ZDHHC14: variants seen among roughly 807,000 people sequenced by gnomAD.
ZDHHC14 encodes the protein palmitoyltransferase ZDHHC14.
ZDHHC14 carries 16 observed loss-of-function variants against 47.7 expected under a neutral mutation model. The observed-to-expected ratio is 0.34, with a 90% CI of 0.23 to 0.51. The LOEUF (loss-of-function observed/expected upper bound fraction) is 0.51, where lower values mean the gene tolerates loss of function less well. Among genes scored for constraint, ZDHHC14 ranks in the 20% least tolerant of loss-of-function variants. ZDHHC14 has a pLI of 0.97. For missense variants in ZDHHC14, 515 were observed against 662.5 expected (o/e 0.78, Z 2.44); for synonymous variants, 293 against 278.9 (o/e 1.05, Z -0.50).
intron 1 of ZDHHC14, among the ~76,000 whole-genome samples, chr6:157,472,264 C>T (rs1230530816): frequency 2.6e-5 from 4 of 152,140 alleles, no homozygotes; most frequent in Non-Finnish European, 5.9e-5. Flanking sequence ...GGTGACCCAT[C>T]AGCCCAGGAG....
At chr6:157,461,946 T>G (rs1365666877) in intron 1 of ZDHHC14, among the ~76,000 whole-genome samples, 1 of 152,174 alleles carries the variant, frequency 6.6e-6, no homozygotes, top group Non-Finnish European at 1.5e-5. Context: ...TGCCACAAAT[T>G]TAGGATCATC....
chr6:157,497,828 A>C (rs1438617803), intron 1 of ZDHHC14, among the ~76,000 whole-genome samples: 1 of 152,224 alleles, frequency 6.6e-6, no homozygotes, highest in African/African-American at 2.4e-5. Context: ...TCAGAACCAG[A>C]GTCCAATTTC....
intron 8 of ZDHHC14, 150 bp from the exon 9 acceptor site, chr6:157,672,574 G>A (rs560814894): frequency 7.2e-5 from 60 of 837,126 alleles, no homozygotes; most frequent in Non-Finnish European, 1.0e-4. Flanking sequence ...CACTGTAGGC[G>A]CTCCCTGCCT....
chr6:157,423,680 T>C (rs112457620), intron 1 of ZDHHC14, among the ~76,000 whole-genome samples: 3 of 152,142 alleles, frequency 2.0e-5, no homozygotes, highest in African/African-American at 7.2e-5. Context: ...CATAAGACGG[T>C]GGCAAAATCT....
chr6:157,655,746 T>C (rs1778057762), intron 8 of ZDHHC14, among the ~76,000 whole-genome samples: 1 of 152,234 alleles, frequency 6.6e-6, no homozygotes, highest in African/African-American at 2.4e-5. Context: ...AGCAGATACA[T>C]GAAGGAAGCA....
intron 2 of ZDHHC14, among the ~76,000 whole-genome samples, chr6:157,567,084 C>A (rs932077843): frequency 4.6e-5 from 7 of 152,028 alleles, no homozygotes; most frequent in Non-Finnish European, 8.8e-5. Flanking sequence ...CTCCTGACCT[C>A]AGGGTGATCC....
chr6:157,500,516 C>T (rs900380221), intron 1 of ZDHHC14, among the ~76,000 whole-genome samples: 4 of 152,044 alleles, frequency 2.6e-5, no homozygotes, highest in Non-Finnish European at 4.4e-5. Context: ...AGTTGAGAGA[C>T]GAGGGTGGAC....
chr6:157,413,739 C>T lies in ZDHHC14; in HGVS notation c.245+31473C>T, dbSNP rs191475624. Among the ~76,000 whole-genome samples, 209 of 152,162 alleles carry T rather than the reference C, an allele frequency of 1.4e-3. 2 individuals are homozygous for T. Among genetic ancestry groups the T allele is most frequent in the African/African-American group, 4.7e-3 (197 of 41,500 alleles). ...CTCCATGGAGCCTCAAAACTCCTTT[C>T]TACCCACAGCAACTTCTTTTCTTTC... is the stretch of plus-strand genomic sequence containing the variant. On this transcript the variant is annotated intron_variant, in intron 1 of 8. Coordinates refer to ENST00000359775, the MANE Select transcript of ZDHHC14 (RefSeq NM_024630.3).
chr6:157,561,682 A>G (rs980890135), intron 2 of ZDHHC14, among the ~76,000 whole-genome samples: 5 of 152,118 alleles, frequency 3.3e-5, no homozygotes, highest in East Asian at 1.9e-4. Context: ...TTTATTTGAG[A>G]TGGAGTTTCA....
At chr6:157,483,342 C>T (rs1779678640) in intron 1 of ZDHHC14, among the ~76,000 whole-genome samples, 1 of 152,290 alleles carries the variant, frequency 6.6e-6, no homozygotes, top group Non-Finnish European at 1.5e-5. Context: ...AAAGATTGTT[C>T]TGCCTTACAA....
chr6:157,659,697 G>A (rs760746485), intron 8 of ZDHHC14, among the ~76,000 whole-genome samples: 8 of 152,200 alleles, frequency 5.3e-5, no homozygotes, highest in South Asian at 4.1e-4. Context: ...CACCCTCTGC[G>A]CCTTGGAAAG....
intron 8 of ZDHHC14, among the ~76,000 whole-genome samples, chr6:157,654,201 T>C (rs957242604): frequency 1.3e-5 from 2 of 152,168 alleles, no homozygotes; most frequent in African/African-American, 4.8e-5. Context: ...CGGGTGGACA[T>C]GCTTTGCTTG....
chr6:157,673,247 G>A lies in ZDHHC14; in HGVS notation c.*125G>A. On this transcript the variant is annotated 3_prime_UTR_variant, in exon 9 of 9. Coordinates refer to ENST00000359775, the MANE Select transcript of ZDHHC14 (RefSeq NM_024630.3). This position sits in a 1 kb window ranked among gnomAD's most constrained non-coding sequence, Gnocchi z 5.4. ...CGGTGGAGATGACAGCCCCAGGTCT[G>A]GGGTACAGAGACCACTTAGGATGGC... 7.5e-7 allele frequency: 1 copy of A among 1,327,712 alleles called. No homozygotes were observed. Among genetic ancestry groups the A allele is most frequent in the East Asian group, 2.7e-5 (1 of 36,868 alleles). 82.2% of individuals were successfully genotyped at this position (1,327,712 alleles called of 1,614,324 possible). A position where few individuals can be genotyped will look rare whatever the true frequency, so the allele number is the denominator to read the frequency against.
chr6:157,449,166 C>T (rs942664654), intron 1 of ZDHHC14, among the ~76,000 whole-genome samples: 2 of 152,098 alleles, frequency 1.3e-5, no homozygotes, highest in Non-Finnish European at 2.9e-5. Context: ...AGATAAATTT[C>T]CTAGGGGGTG....
intron 7 of ZDHHC14, among the ~76,000 whole-genome samples, chr6:157,651,463 T>G (rs1412465562): frequency 5.9e-5 from 9 of 152,226 alleles, no homozygotes; most frequent in African/African-American, 1.7e-4. Context: ...CATCTTAACT[T>G]GGTTACATCT....
intron 1 of ZDHHC14, among the ~76,000 whole-genome samples, chr6:157,517,721 T>C (rs1780748179): frequency 6.6e-6 from 1 of 152,242 alleles, no homozygotes; most frequent in South Asian, 2.1e-4. Context: ...CAGTCCTGAG[T>C]AAAGTGTTGG....
intron 3 of ZDHHC14, among the ~76,000 whole-genome samples, chr6:157,623,543 T>A (rs990031024): frequency 8.1e-5 from 12 of 147,818 alleles, no homozygotes; most frequent in African/African-American, 3.0e-4. Context: ...ATACATCTTT[T>A]TTTTTTTTTT....
intron 4 of ZDHHC14, chr6:157,630,420 G>A (rs1378351467): frequency 6.6e-6 from 1 of 151,950 alleles, no homozygotes; most frequent in African/African-American, 2.4e-5. Context: ...CTAAACTCAG[G>A]GAACACACAC....
chr6:157,397,270 T>C (rs150950544), intron 1 of ZDHHC14, among the ~76,000 whole-genome samples: 268 of 152,342 alleles, frequency 1.8e-3, no homozygotes, highest in African/African-American at 6.2e-3. Context: ...TTTCTTTTGC[T>C]GCTGTAATGA....
Sources: allele counts gnomAD v4.1 joint callset (sites outside exome capture counted in the v4.1 genomes callset), GRCh38; gene constraint gnomAD v4.1.1; non-coding constraint Gnocchi (gnomAD v3.1); transcripts MANE v1.5; gene names NCBI Gene and HGNC (gene_info 2026-07-23, HGNC 2026-07-21).